SPAG16: variants seen among roughly 807,000 people sequenced by gnomAD.
SPAG16 encodes the protein sperm associated antigen 16, also known as sperm-associated antigen 16 protein.
A neutral mutation model predicts 80.4 loss-of-function variants in SPAG16; 86 were observed. That is an observed-to-expected ratio of 1.07 (90% CI 0.90 to 1.28). The LOEUF is 1.28. Among genes scored for constraint, SPAG16 ranks in the 50% most tolerant of loss-of-function variants. The pLI is 0.00. For synonymous variants in SPAG16, 294 were observed against 265.9 expected (o/e 1.11, Z -1.03); for missense variants, 870 against 765.3 (o/e 1.14, Z -1.61).
At chr2:214,061,525 T>C (rs1161556599) in intron 13 of SPAG16, among the ~76,000 whole-genome samples, 1 of 152,178 alleles carries the variant, frequency 6.6e-6, no homozygotes, top group Non-Finnish European at 1.5e-5. Flanking sequence ...AGTTCAAGTC[T>C]GAAGGCAGTC....
chr2:213,364,006 TTG>T (rs1247869536), intron 7 of SPAG16, 68 bp from the exon 8 acceptor site: 1 of 578,344 alleles, frequency 1.7e-6, no homozygotes, highest in East Asian at 3.6e-5. Flanking sequence ...TATTTAAATA[TTG>T]TGTTTTATGT....
intron 15 of SPAG16, among the ~76,000 whole-genome samples, chr2:214,244,629 T>C (rs766166345): frequency 2.2e-4 from 34 of 152,072 alleles, no homozygotes; most frequent in Non-Finnish European, 4.3e-4. Flanking sequence ...TTTTGGAATG[T>C]AATTAAAATT....
intron 12 of SPAG16, among the ~76,000 whole-genome samples, chr2:213,944,131 A>G (rs988206770): frequency 1.3e-5 from 2 of 152,232 alleles, no homozygotes; most frequent in Non-Finnish European, 2.9e-5. Context: ...GGGCAAGACC[A>G]ATATGTGAAC....
intron 5 of SPAG16, chr2:213,317,681 A>C (rs1243781006): frequency 2.0e-6 from 2 of 994,882 alleles, no homozygotes; most frequent in Non-Finnish European, 2.4e-6. Flanking sequence ...TAATTTCTGA[A>C]ATAATAATTA....
chr2:214,044,537 A>T (rs750025692), intron 13 of SPAG16, among the ~76,000 whole-genome samples: 1 of 152,144 alleles, frequency 6.6e-6, no homozygotes, highest in Non-Finnish European at 1.5e-5. Flanking sequence ...CAAAATTAAC[A>T]AGTATCTACA....
chr2:214,086,573 C>G (rs2051774706), intron 13 of SPAG16, among the ~76,000 whole-genome samples: 1 of 152,118 alleles, frequency 6.6e-6, no homozygotes, highest in South Asian at 2.1e-4. Context: ...CTTATTCCCT[C>G]TCTTGCTGCC....
At chr2:213,412,042 C>CAACCTTT (rs1337071342) in intron 9 of SPAG16, among the ~76,000 whole-genome samples, 1 of 152,152 alleles carries the variant, frequency 6.6e-6, no homozygotes, top group Non-Finnish European at 1.5e-5. Context: ...CCTCGTGAAG[C>CAACCTTT]AACCTTTTTC....
intron 15 of SPAG16, among the ~76,000 whole-genome samples, chr2:214,278,711 A>G (rs2125909347): frequency 6.6e-6 from 1 of 152,340 alleles, no homozygotes. Context: ...TATTCCCTTT[A>G]AAGCTCCCAT....
intron 9 of SPAG16, among the ~76,000 whole-genome samples, chr2:213,477,562 A>G: frequency 6.6e-6 from 1 of 152,210 alleles, no homozygotes; most frequent in Non-Finnish European, 1.5e-5. Context: ...TTTAAGGTTT[A>G]ATGACTGCCC....
chr2:213,803,610 C>T (rs1411613432), intron 10 of SPAG16, among the ~76,000 whole-genome samples: 1 of 152,122 alleles, frequency 6.6e-6, no homozygotes, highest in Non-Finnish European at 1.5e-5. Context: ...TCCAGGGCTC[C>T]CAATCCAGAG....
chr2:213,350,632 A>G lies in SPAG16; in HGVS notation c.749A>G (p.Lys250Arg), dbSNP rs374652876. The G allele has an allele frequency of 1.4e-5, 22 of 1,588,080 alleles. No homozygotes were observed. The African/African-American group carries it at 2.9e-4, about 21-fold the overall frequency. The change falls in exon 7 of 16, where the codon AAA becomes AGA. Residue 250 changes from lysine (K) to arginine (R), a missense_variant. Lys to Arg is a conservative substitution (Grantham distance 26, BLOSUM62 2). Transcript: ENST00000331683. ...ATGCTGACCTCCTTGGAAAGAGACA[A>G]AGTAGTTGGGCAGGTAAAGATATAG... The part of the protein sequence containing the change: ...EKMLTSLERD[K>R]VVGQISGLQE...
chr2:213,896,120 A>T (rs1418024143), intron 11 of SPAG16, among the ~76,000 whole-genome samples: 1 of 152,028 alleles, frequency 6.6e-6, no homozygotes, highest in Non-Finnish European at 1.5e-5. Context: ...TAAATTGTCC[A>T]GTAAAATGGC....
chr2:213,746,597 G>T (rs2067835895), intron 10 of SPAG16, among the ~76,000 whole-genome samples: 1 of 152,180 alleles, frequency 6.6e-6, no homozygotes, highest in African/African-American at 2.4e-5. Context: ...CCCGAGGTCA[G>T]GAGTTCGAGA....
At chr2:213,987,964 G>A (rs997174583) in intron 12 of SPAG16, among the ~76,000 whole-genome samples, 1 of 150,896 alleles carries the variant, frequency 6.6e-6, no homozygotes, top group African/African-American at 2.4e-5. Context: ...TTTGTTGAGT[G>A]GAAGGAGATA....
chr2:213,310,020 G>T, intron 3 of SPAG16, 39 bp from the exon 4 acceptor site: 1 of 1,283,672 alleles, frequency 7.8e-7, no homozygotes, highest in East Asian at 2.3e-5. Flanking sequence ...TTAATGCTTT[G>T]ATGTTTTCAG....
chr2:213,877,011 A>G (rs2076166496), intron 11 of SPAG16, among the ~76,000 whole-genome samples: 1 of 152,176 alleles, frequency 6.6e-6, no homozygotes, highest in African/African-American at 2.4e-5. Flanking sequence ...CTGCTTAACT[A>G]TATAGTTAAG....
chr2:214,310,319 G>C (rs1695204798), intron 15 of SPAG16, among the ~76,000 whole-genome samples: 1 of 152,084 alleles, frequency 6.6e-6, no homozygotes, highest in Non-Finnish European at 1.5e-5. Flanking sequence ...ATTGGTTATA[G>C]ATAGCTTTTG....
Position 213,582,529 on chromosome 2 carries a change from C to T in SPAG16, c.1070+92439C>T, listed in dbSNP as rs368297128. Among the ~76,000 whole-genome samples, 10 of 151,940 alleles carry T rather than the reference C, an allele frequency of 6.6e-5. No individual in the cohort carries two copies. In the East Asian group the frequency reaches 9.7e-4, roughly 15 times the overall value. The stretch of plus-strand genomic sequence containing the variant: ...TAGTGATTAGAGATTGGGGCAAGAA[C>T]GAAGATAGAAATAGAAAATGAGGGA... On this transcript the variant is annotated intron_variant, in intron 10 of 15. Transcript: ENST00000331683.
chr2:214,222,354 T>G (rs1194105077), intron 15 of SPAG16, among the ~76,000 whole-genome samples: 1 of 152,042 alleles, frequency 6.6e-6, no homozygotes, highest in Non-Finnish European at 1.5e-5. Context: ...TGACCTCAGG[T>G]GATCCACCCG....
Sources: gnomAD v4.1 joint callset for allele counts (sites outside exome capture counted in the v4.1 genomes callset) on GRCh38, gnomAD v4.1.1 for gene constraint, MANE v1.5 for transcripts, NCBI Gene and HGNC (gene_info 2026-07-23, HGNC 2026-07-21) for gene names.